The following GRIA1 variants were observed in gnomAD, a reference collection of about 807,000 sequenced individuals.
GRIA1 encodes glutamate ionotropic receptor AMPA type subunit 1.
In GRIA1, 31 loss-of-function variants were observed where a neutral mutation model predicts 99.2. The observed-to-expected ratio is 0.31, with a 90% CI of 0.23 to 0.42. The LOEUF (loss-of-function observed/expected upper bound fraction) is 0.42. GRIA1 is among the 10% of genes least tolerant of loss of function. The pLI is 1.00. For missense variants in GRIA1, 782 were observed against 1,157.5 expected, an observed-to-expected ratio of 0.68 and a Z score of 4.71; for synonymous variants, 438 against 432.4, an observed-to-expected ratio of 1.01 and a Z score of -0.16.
intron 7 of GRIA1, 143 bp downstream of exon 7, chr5:153,677,304 G>T (rs1291755785): frequency 1.7e-6 from 1 of 576,966 alleles, no homozygotes; most frequent in Non-Finnish European, 2.6e-6. Context: ...GGTGTTGGTG[G>T]TTCTTAGCAT....
At chr5:153,752,184 G>A (rs1051729394) in intron 11 of GRIA1, among the ~76,000 whole-genome samples, 3 of 152,190 alleles carry the variant, frequency 2.0e-5, no homozygotes, top group Non-Finnish European at 2.9e-5. Flanking sequence ...TCAGAACTAT[G>A]CTGGCAAAAG....
chr5:153,569,596 C>T (rs1761936963), intron 2 of GRIA1, among the ~76,000 whole-genome samples: 1 of 152,170 alleles, frequency 6.6e-6, no homozygotes, highest in African/African-American at 2.4e-5. Flanking sequence ...ATAACATTGA[C>T]CTGAATTCTG....
chr5:153,607,386 G>A (rs903099306), intron 2 of GRIA1, among the ~76,000 whole-genome samples: 1 of 151,312 alleles, frequency 6.6e-6, no homozygotes, highest in African/African-American at 2.4e-5. Flanking sequence ...AATTTGCAGG[G>A]CTTTTTCCTG....
chr5:153,776,709 G>C (rs1199615438), intron 13 of GRIA1, among the ~76,000 whole-genome samples: 4 of 152,108 alleles, frequency 2.6e-5, no homozygotes, highest in Non-Finnish European at 5.9e-5. Context: ...AGCAAAAGTT[G>C]CTTGTGTATA....
intron 7 of GRIA1, among the ~76,000 whole-genome samples, chr5:153,677,927 A>T (rs1341527253): frequency 6.6e-6 from 1 of 152,206 alleles, no homozygotes; most frequent in Non-Finnish European, 1.5e-5. Context: ...TGATTCTCAA[A>T]CTGCCAAGGA....
chr5:153,494,492 T>G (rs1274439229), intron 2 of GRIA1, among the ~76,000 whole-genome samples: 1 of 152,224 alleles, frequency 6.6e-6, no homozygotes, highest in Non-Finnish European at 1.5e-5. Context: ...TGTAGCTTGA[T>G]AAGAAATAAT....
chr5:153,626,311 A>G (rs77080766), intron 2 of GRIA1, among the ~76,000 whole-genome samples: 3,990 of 152,262 alleles, frequency 0.026, 199 homozygotes, highest in African/African-American at 0.091. Context: ...ATTCAGTATT[A>G]GGGTCTCTTC....
At chr5:153,710,462 A>G (rs1759231704) in intron 11 of GRIA1, among the ~76,000 whole-genome samples, 1 of 152,178 alleles carries the variant, frequency 6.6e-6, no homozygotes, top group Non-Finnish European at 1.5e-5. Flanking sequence ...AACCCAAGTG[A>G]TCTGCCTACC....
rs148021792 is a variant in GRIA1 at position 153,759,734 on chromosome 5, G to C, written c.1824-4700G>C. Among the ~76,000 whole-genome samples, 43 of 151,782 alleles carry C rather than the reference G, an allele frequency of 2.8e-4. 1 individual carries two copies. In the East Asian group the frequency reaches 7.5e-3, roughly 27 times the overall value. On this transcript the variant is annotated intron_variant, in intron 11 of 15. Coordinates refer to ENST00000285900, the MANE Select transcript of GRIA1 (RefSeq NM_000827.4). ...CAGAATTACCCTAATCCCAAAACCA[G>C]ACACAACAAAAAAGAAAACTACAGG...
chr5:153,753,583 C>G (rs1200053468), intron 11 of GRIA1, among the ~76,000 whole-genome samples: 1 of 151,990 alleles, frequency 6.6e-6, no homozygotes, highest in Non-Finnish European at 1.5e-5. Flanking sequence ...TTATAGTTCT[C>G]TTATCTCCAA....
chr5:153,564,716 A>C lies in GRIA1; in HGVS notation c.220+70651A>C, dbSNP rs534073936. On this transcript the variant is annotated intron_variant, in intron 2 of 15. Coordinates refer to ENST00000285900, the MANE Select transcript of GRIA1 (RefSeq NM_000827.4). ...AGACCACTCATGGAAAGCTATGTCA[A>C]CAATGGAAGATGAATGGCCAGGATG... Among the ~76,000 whole-genome samples, 14 of 152,324 alleles carry C rather than the reference A, an allele frequency of 9.2e-5. No homozygotes were observed. In the East Asian group the frequency reaches 2.5e-3, roughly 27 times the overall value.
intron 2 of GRIA1, among the ~76,000 whole-genome samples, chr5:153,558,257 A>G (rs1760825191): frequency 6.6e-6 from 1 of 152,186 alleles, no homozygotes; most frequent in Admixed American, 6.6e-5. Flanking sequence ...TAATTTACAT[A>G]TAGTAAAATT....
At chr5:153,720,853 G>C (rs1309119724) in intron 11 of GRIA1, among the ~76,000 whole-genome samples, 2 of 152,142 alleles carry the variant, frequency 1.3e-5, no homozygotes, top group Non-Finnish European at 2.9e-5. Flanking sequence ...AGAATACATA[G>C]AAATAAGGAA....
At chr5:153,558,486 G>T (rs1760846288) in intron 2 of GRIA1, among the ~76,000 whole-genome samples, 1 of 151,954 alleles carries the variant, frequency 6.6e-6, no homozygotes, top group Non-Finnish European at 1.5e-5. Flanking sequence ...ATGGAATTCT[G>T]CAGGATGTAG....
intron 2 of GRIA1, among the ~76,000 whole-genome samples, chr5:153,618,518 C>A (rs1766724154): frequency 6.6e-6 from 1 of 152,060 alleles, no homozygotes; most frequent in South Asian, 2.1e-4. Flanking sequence ...GTGGGCAATG[C>A]CTGCTGACAG....
intron 2 of GRIA1, among the ~76,000 whole-genome samples, chr5:153,577,430 A>G (rs763664112): frequency 6.6e-6 from 1 of 152,214 alleles, no homozygotes; most frequent in Non-Finnish European, 1.5e-5. Flanking sequence ...GTCAATTTCC[A>G]TGAAGCAAGG....
At chr5:153,807,437 G>T (rs1339373879) in intron 15 of GRIA1, among the ~76,000 whole-genome samples, 1 of 152,226 alleles carries the variant, frequency 6.6e-6, no homozygotes, top group African/African-American at 2.4e-5. Context: ...CCTGATAAAA[G>T]AATGGGTCAG....
intron 2 of GRIA1, among the ~76,000 whole-genome samples, chr5:153,578,668 G>T (rs1282308473): frequency 6.6e-6 from 1 of 152,174 alleles, no homozygotes; most frequent in African/African-American, 2.4e-5. Context: ...CAGCACTTTG[G>T]GAGCCCAAGG....
chr5:153,704,230 C>A (rs1434152002), intron 10 of GRIA1, among the ~76,000 whole-genome samples: 1 of 152,246 alleles, frequency 6.6e-6, no homozygotes, highest in Non-Finnish European at 1.5e-5. Context: ...CCCTGACCTG[C>A]ATAGCATCTG....
Sources: allele counts gnomAD v4.1 joint callset (sites outside exome capture counted in the v4.1 genomes callset), GRCh38; gene constraint gnomAD v4.1.1; transcripts MANE v1.5; gene names NCBI Gene and HGNC (gene_info 2026-07-23, HGNC 2026-07-21).